The following KCND2 variants were observed in gnomAD, a reference collection of about 807,000 sequenced individuals.
The protein encoded by KCND2 is potassium voltage-gated channel subfamily D member 2.
In KCND2, 16 loss-of-function variants were observed where a neutral mutation model predicts 54.4. The ratio of observed to expected loss-of-function variants is 0.29; its 90% CI spans 0.20 to 0.45. The LOEUF (loss-of-function observed/expected upper bound fraction) is 0.45. Ranked by LOEUF, KCND2 falls within the 20% of genes least tolerant of loss-of-function variation. KCND2 has a pLI of 1.00. For synonymous variants in KCND2, 317 were observed against 310.7 expected, an observed-to-expected ratio of 1.02 and a Z score of -0.21; for missense variants, 486 against 824.2, an observed-to-expected ratio of 0.59 and a Z score of 5.02.
intron 1 of KCND2, among the ~76,000 whole-genome samples, chr7:120,697,378 A>C (rs1366722289): frequency 6.6e-6 from 1 of 152,122 alleles, no homozygotes; most frequent in Non-Finnish European, 1.5e-5. Context: ...AGGTATGTGA[A>C]GATTTTTTTT....
At chr7:120,695,798 A>G (rs1584887174) in intron 1 of KCND2, among the ~76,000 whole-genome samples, 1 of 152,234 alleles carries the variant, frequency 6.6e-6, no homozygotes, top group Non-Finnish European at 1.5e-5. Flanking sequence ...ATGATATAAG[A>G]TTAATCAGAA....
intron 1 of KCND2, among the ~76,000 whole-genome samples, chr7:120,591,041 A>G (rs1458445371): frequency 1.3e-5 from 2 of 152,134 alleles, no homozygotes; most frequent in Non-Finnish European, 2.9e-5. Context: ...TTTTCCTACT[A>G]TGATAATGCT....
intron 1 of KCND2, among the ~76,000 whole-genome samples, chr7:120,402,391 C>T (rs1012520460): frequency 6.6e-5 from 10 of 152,076 alleles, no homozygotes; most frequent in East Asian, 5.8e-4. Context: ...CTTTTGAAAA[C>T]GATAAACATT....
At chr7:120,499,087 T>C (rs1475850324) in intron 1 of KCND2, among the ~76,000 whole-genome samples, 1 of 152,152 alleles carries the variant, frequency 6.6e-6, no homozygotes, top group African/African-American at 2.4e-5. Context: ...TTCATATGCA[T>C]GATTCTTGTA....
At chr7:120,619,940 AAAG>A (rs1391927578) in intron 1 of KCND2, among the ~76,000 whole-genome samples, 18 of 152,310 alleles carry the variant, frequency 1.2e-4, no homozygotes, top group African/African-American at 4.1e-4. Context: ...GGTATGTGGA[AAAG>A]AAGAGGCTGA....
intron 1 of KCND2, among the ~76,000 whole-genome samples, chr7:120,706,252 AC>A (rs1319353868): frequency 6.6e-6 from 1 of 152,052 alleles, no homozygotes; most frequent in Non-Finnish European, 1.5e-5. Context: ...AATTTTAAGA[AC>A]CCTCTTTTAG....
At chr7:120,388,043 T>G (rs1410465360) in intron 1 of KCND2, among the ~76,000 whole-genome samples, 3 of 152,070 alleles carry the variant, frequency 2.0e-5, no homozygotes, top group Non-Finnish European at 2.9e-5. Flanking sequence ...AAAGTTCTGA[T>G]AGAATAAATT....
intron 1 of KCND2, among the ~76,000 whole-genome samples, chr7:120,310,177 C>G (rs1584723827): frequency 6.6e-6 from 1 of 152,050 alleles, no homozygotes; most frequent in Non-Finnish European, 1.5e-5. Flanking sequence ...GTTAGTAACA[C>G]ACAATGTTAA....
intron 1 of KCND2, among the ~76,000 whole-genome samples, chr7:120,671,534 A>G (rs1319537576): frequency 2.0e-5 from 3 of 152,066 alleles, no homozygotes; most frequent in African/African-American, 7.2e-5. Flanking sequence ...GTCGCATTAA[A>G]TAAGCCAACT....
chr7:120,600,073 A>G (rs1476815632), intron 1 of KCND2, among the ~76,000 whole-genome samples: 1 of 151,786 alleles, frequency 6.6e-6, no homozygotes, highest in Non-Finnish European at 1.5e-5. Flanking sequence ...AATTTAGTCT[A>G]TTGAAACTGG....
intron 1 of KCND2, among the ~76,000 whole-genome samples, chr7:120,698,810 A>T (rs948920949): frequency 6.6e-6 from 1 of 152,352 alleles, no homozygotes; most frequent in African/African-American, 2.4e-5. Flanking sequence ...CCAATAAATC[A>T]GCTGTGTTCT....
At chr7:120,711,852 T>C (rs1265980428) in intron 1 of KCND2, among the ~76,000 whole-genome samples, 1 of 152,190 alleles carries the variant, frequency 6.6e-6, no homozygotes, top group African/African-American at 2.4e-5. Context: ...GTTAGAATCA[T>C]AATTTATTTA....
intron 1 of KCND2, among the ~76,000 whole-genome samples, chr7:120,377,876 C>T (rs1053572789): frequency 6.6e-6 from 1 of 151,892 alleles, no homozygotes; most frequent in Non-Finnish European, 1.5e-5. Context: ...TCAGCAATGC[C>T]TTCTGTGACG....
At chr7:120,363,030 T>A (rs1373367572) in intron 1 of KCND2, among the ~76,000 whole-genome samples, 2 of 151,966 alleles carry the variant, frequency 1.3e-5, no homozygotes, top group South Asian at 2.1e-4. Flanking sequence ...AGGCAGGGTG[T>A]CGTGGCTCAC....
intron 1 of KCND2, among the ~76,000 whole-genome samples, chr7:120,385,192 C>T (rs1424107006): frequency 2.0e-5 from 3 of 150,292 alleles, no homozygotes; most frequent in South Asian, 2.1e-4. Context: ...TTGGTAGAGA[C>T]GGGGTTTTAT....
chr7:120,616,932 A>G (rs771473372), intron 1 of KCND2, among the ~76,000 whole-genome samples: 1 of 152,146 alleles, frequency 6.6e-6, no homozygotes, highest in Non-Finnish European at 1.5e-5. Flanking sequence ...TTTCTGAGAC[A>G]TTTGAGCACA....
intron 1 of KCND2, among the ~76,000 whole-genome samples, chr7:120,323,219 C>G (rs939301674): frequency 6.6e-6 from 1 of 152,072 alleles, no homozygotes; most frequent in African/African-American, 2.4e-5. Context: ...TTATTCAACT[C>G]CCACTTATGA....
At chr7:120,523,065 T>C (rs775761742) in intron 1 of KCND2, among the ~76,000 whole-genome samples, 3 of 152,132 alleles carry the variant, frequency 2.0e-5, no homozygotes, top group Non-Finnish European at 4.4e-5. Context: ...GGCAAGTGTT[T>C]CCAGTTAATC....
At chr7:120,392,910 T>C (rs1801099278) in intron 1 of KCND2, among the ~76,000 whole-genome samples, 2 of 152,018 alleles carry the variant, frequency 1.3e-5, no homozygotes, top group South Asian at 4.1e-4. Context: ...GTGTACACTG[T>C]AGAGTCTAGC....
Sources: gnomAD v4.1 joint callset for allele counts (sites outside exome capture counted in the v4.1 genomes callset) on GRCh38, gnomAD v4.1.1 for gene constraint, MANE v1.5 for transcripts, NCBI Gene and HGNC (gene_info 2026-07-23, HGNC 2026-07-21) for gene names.